The following PTPRD variants were observed in gnomAD, a reference collection of about 807,000 sequenced individuals.
PTPRD encodes the protein protein tyrosine phosphatase receptor type D.
In PTPRD, 34 loss-of-function variants were observed where a neutral mutation model predicts 214.5. The observed-to-expected ratio is 0.16, with a 90% confidence interval of 0.12 to 0.21. The LOEUF (loss-of-function observed/expected upper bound fraction) is 0.21. PTPRD is among the 10% of genes least tolerant of loss of function. PTPRD has a pLI of 1.00. For synonymous variants in PTPRD, 1,128 were observed against 845.7 expected (o/e 1.33, Z -5.79); for missense variants, 2,545 against 2,398.7 (o/e 1.06, Z -1.27).
rs981529 is a variant in PTPRD, at chr9:9,051,371, T to C, written c.-142-32636A>G. Among the ~76,000 whole-genome samples, 1,057 of 152,320 alleles carry C rather than the reference T, an allele frequency of 6.9e-3. 35 individuals are homozygous for C. The highest frequency in any genetic ancestry group is 0.054 in the Admixed American group (820 of 15,288). On this transcript the variant is annotated intron_variant, in intron 10 of 45. Transcript: ENST00000381196. The stretch of plus-strand genomic sequence containing the variant: ...GCCAACATGCATTGCCTGAAATGTT[T>C]CATTATGCAGTACAACCTATTTATT...
At chr9:8,895,057 A>G (rs1341803897) in intron 11 of PTPRD, among the ~76,000 whole-genome samples, 1 of 152,200 alleles carries the variant, frequency 6.6e-6, no homozygotes, top group African/African-American at 2.4e-5. Flanking sequence ...TACTTTGGAA[A>G]CTGATTCAAC....
chr9:9,797,992 T>C (rs1321835859), intron 5 of PTPRD, among the ~76,000 whole-genome samples: 1 of 152,174 alleles, frequency 6.6e-6, no homozygotes, highest in Non-Finnish European at 1.5e-5. Flanking sequence ...CTTGATCATA[T>C]TAGAGATACA....
At chr9:9,179,497 C>G (rs12344847) in intron 10 of PTPRD, among the ~76,000 whole-genome samples, 2,237 of 152,170 alleles carry the variant, frequency 0.015, 59 homozygotes, top group African/African-American at 0.051. Flanking sequence ...CAAAATGCTA[C>G]GAACCACTAG....
Position 10,262,619 on chromosome 9 carries a change from G to A in PTPRD, c.-545+78344C>T, listed in dbSNP as rs149094231. 1.1e-3 allele frequency among the ~76,000 whole-genome samples: 160 copies of A among 152,314 alleles called. 1 individual carries two copies. The highest frequency in any genetic ancestry group is 3.8e-3 in the African/African-American group (157 of 41,566). On this transcript the variant is annotated intron_variant, in intron 3 of 45. Transcript: ENST00000381196. ...ACAGAGACATTGGTACTGCAAAGCA[G>A]AAGATTCTGGATCAAATACAGGCTT...
chr9:9,703,909 G>A (rs1458597900), intron 7 of PTPRD, among the ~76,000 whole-genome samples: 1 of 152,096 alleles, frequency 6.6e-6, no homozygotes, highest in African/African-American at 2.4e-5. Flanking sequence ...CTTTGAGATA[G>A]GGTCTCACTC....
At chr9:10,134,541 A>AT (rs1016805629) in intron 3 of PTPRD, among the ~76,000 whole-genome samples, 19 of 151,798 alleles carry the variant, frequency 1.3e-4, no homozygotes, top group African/African-American at 1.7e-4. Context: ...CACCAAAACC[A>AT]TTTTTTTTCC....
chr9:10,232,752 G>A (rs1403272906), intron 3 of PTPRD, among the ~76,000 whole-genome samples: 1 of 151,892 alleles, frequency 6.6e-6, no homozygotes, highest in Non-Finnish European at 1.5e-5. Context: ...AACTGATAGG[G>A]AATGAGAGTA....
rs192464632 is a variant in PTPRD, at chr9:9,181,420, T to C, written c.-143+1884A>G. 3.9e-3 allele frequency among the ~76,000 whole-genome samples: 586 copies of C among 152,046 alleles called. 6 individuals carry two copies. The highest frequency in any genetic ancestry group is 0.014 in the African/African-American group (562 of 41,506). ...GTGAACTGCTAAAATATGCTGCCTG[T>C]TTCCATTTTCAAACCTGCCTGTGTG... On this transcript the variant is annotated intron_variant, in intron 10 of 45. Coordinates refer to ENST00000381196, the MANE Select transcript of PTPRD (RefSeq NM_002839.4).
intron 8 of PTPRD, among the ~76,000 whole-genome samples, chr9:9,508,044 A>G (rs1242509205): frequency 6.6e-6 from 1 of 151,544 alleles, no homozygotes; most frequent in Non-Finnish European, 1.5e-5. Context: ...TTGATTACAC[A>G]TAATTTATGT....
At chr9:10,384,214 A>C (rs1232121679) in intron 2 of PTPRD, among the ~76,000 whole-genome samples, 1 of 151,854 alleles carries the variant, frequency 6.6e-6, no homozygotes, top group Non-Finnish European at 1.5e-5. Flanking sequence ...AAATGCTTGA[A>C]GGAATGGATA....
At position 8,631,139 on chromosome 9, in the gene PTPRD, A is replaced by C. The variant is rs935081017; in HGVS notation, c.352+2178T>G. ...TCAGACAAGCTGAAGTGAACTATGT[A>C]TGTATATTCAGAAATATGTATACTT... On this transcript the variant is annotated intron_variant, in intron 14 of 45. Transcript: ENST00000381196. Among the ~76,000 whole-genome samples, 5 of 152,006 alleles carry C rather than the reference A, an allele frequency of 3.3e-5. No individual in the cohort carries two copies. In the South Asian group the frequency reaches 1.0e-3, roughly 31 times the overall value.
intron 8 of PTPRD, among the ~76,000 whole-genome samples, chr9:9,401,389 T>C (rs1275998292): frequency 1.3e-5 from 2 of 152,056 alleles, no homozygotes; most frequent in Non-Finnish European, 2.9e-5. Flanking sequence ...CTTTTTCTCA[T>C]ACCAAAACTC....
At chr9:8,750,660 GCA>G (rs1305592370) in intron 11 of PTPRD, among the ~76,000 whole-genome samples, 4 of 152,148 alleles carry the variant, frequency 2.6e-5, no homozygotes, top group Non-Finnish European at 5.9e-5. Flanking sequence ...CCATGTGAAG[GCA>G]CAGACTGCCC....
At chr9:9,626,757 T>C (rs887071671) in intron 7 of PTPRD, among the ~76,000 whole-genome samples, 1 of 152,186 alleles carries the variant, frequency 6.6e-6, no homozygotes, top group African/African-American at 2.4e-5. Context: ...GAATACATTT[T>C]CAGAGGTAAA....
chr9:8,663,903 A>G (rs2097120613), intron 12 of PTPRD, among the ~76,000 whole-genome samples: 1 of 152,158 alleles, frequency 6.6e-6, no homozygotes, highest in African/African-American at 2.4e-5. Context: ...CATTAAAAAA[A>G]AAAAAGCAAG....
chr9:8,621,464 C>A (rs978967919), intron 14 of PTPRD, among the ~76,000 whole-genome samples: 1 of 151,920 alleles, frequency 6.6e-6, no homozygotes, highest in African/African-American at 2.4e-5. Flanking sequence ...AAAAGATTGG[C>A]TCAAACCCCA....
At chr9:10,164,554 A>G (rs535585209) in intron 3 of PTPRD, among the ~76,000 whole-genome samples, 1 of 151,738 alleles carries the variant, frequency 6.6e-6, no homozygotes, top group African/African-American at 2.4e-5. Context: ...TTCATATTAC[A>G]GTTTTGAGGA....
chr9:10,592,928 A>C (rs2075826345), intron 2 of PTPRD, among the ~76,000 whole-genome samples: 1 of 151,838 alleles, frequency 6.6e-6, no homozygotes, highest in African/African-American at 2.4e-5. Flanking sequence ...GTCCCCTTCC[A>C]CACTGTGGAA....
chr9:8,793,534 C>A (rs1423912408), intron 11 of PTPRD, among the ~76,000 whole-genome samples: 3 of 152,156 alleles, frequency 2.0e-5, no homozygotes, highest in Admixed American at 6.5e-5. Flanking sequence ...CTGTTGTAAG[C>A]TGTCAGGTTT....
Sources: gnomAD v4.1 joint callset for allele counts (sites outside exome capture counted in the v4.1 genomes callset) on GRCh38, gnomAD v4.1.1 for gene constraint, MANE v1.5 for transcripts, NCBI Gene and HGNC (gene_info 2026-07-23, HGNC 2026-07-21) for gene names.